The following ACOT11 variants were observed in gnomAD, a reference collection of about 807,000 sequenced individuals.
The protein encoded by ACOT11 is acyl-CoA thioesterase 11.
In ACOT11, 69 loss-of-function variants were observed where a neutral mutation model predicts 77.5. The observed-to-expected ratio is 0.89, with a 90% confidence interval of 0.73 to 1.09. The LOEUF is 1.09. ACOT11 is among the 50% of genes least tolerant of loss of function. The probability of loss-of-function intolerance (pLI) is 0.00; values close to 1 mark genes in which losing one functional copy is unlikely to be tolerated. For synonymous variants in ACOT11, 279 were observed against 313.0 expected (o/e 0.89, Z 1.15); for missense variants, 766 against 813.7 (o/e 0.94, Z 0.71).
intron 1 of ACOT11, among the ~76,000 whole-genome samples, chr1:54,560,595 C>G (rs908247111): frequency 3.3e-5 from 5 of 152,198 alleles, no homozygotes; most frequent in Non-Finnish European, 5.9e-5. Context: ...GTGGTGCGAT[C>G]ATAGCTCACT....
chr1:54,603,023 T>G (rs1290182289), intron 10 of ACOT11, among the ~76,000 whole-genome samples: 1 of 152,192 alleles, frequency 6.6e-6, no homozygotes, highest in Non-Finnish European at 1.5e-5. Flanking sequence ...TGCCATTGAT[T>G]CTGATGCCCA....
At chr1:54,618,014 A>T (rs142710139) in intron 15 of ACOT11, among the ~76,000 whole-genome samples, 431 of 152,214 alleles carry the variant, frequency 2.8e-3, no homozygotes, top group Non-Finnish European at 4.0e-3. Context: ...GGCATGAGCC[A>T]CCAGGCCTGG....
At chr1:54,621,750 AG>A (rs1178707725) in intron 15 of ACOT11, 1 of 152,596 alleles carries the variant, frequency 6.6e-6, no homozygotes, top group Non-Finnish European at 1.5e-5. Context: ...CTCAGGACTG[AG>A]GAACACAGGC....
At chr1:54,600,707 T>G (rs1215764946) in intron 8 of ACOT11, among the ~76,000 whole-genome samples, 1 of 151,932 alleles carries the variant, frequency 6.6e-6, no homozygotes, top group African/African-American at 2.4e-5. Flanking sequence ...AATAAAGAAA[T>G]AAAGACAGTA....
chr1:54,572,812 G>T (rs114657818), intron 1 of ACOT11, among the ~76,000 whole-genome samples: 2,712 of 152,274 alleles, frequency 0.018, 76 homozygotes, highest in East Asian at 0.12. Context: ...TCTGCTTCTG[G>T]GAGCAAACAA....
At chr1:54,625,932 T>G (rs1247726417) in intron 15 of ACOT11, among the ~76,000 whole-genome samples, 1 of 119,074 alleles carries the variant, frequency 8.4e-6, no homozygotes, top group East Asian at 2.5e-4. Context: ...AGAGTGAAAC[T>G]CTGTCTCAAA....
chr1:54,601,820 C>T (rs937644461), intron 9 of ACOT11, among the ~76,000 whole-genome samples: 6 of 152,214 alleles, frequency 3.9e-5, no homozygotes, highest in African/African-American at 1.2e-4. Flanking sequence ...GACTGTGGGG[C>T]GATAGATGCA....
intron 15 of ACOT11, among the ~76,000 whole-genome samples, chr1:54,630,542 C>A (rs1644293777): frequency 6.6e-6 from 1 of 152,250 alleles, no homozygotes; most frequent in Non-Finnish European, 1.5e-5. Context: ...TAATTCGGCA[C>A]ATCCCTTCGT....
chr1:54,623,170 TC>T (rs1407084383), intron 15 of ACOT11: 1 of 734,038 alleles, frequency 1.4e-6, no homozygotes, highest in South Asian at 1.7e-5. Context: ...AGAGCAAAAC[TC>T]CGTCTAAAAA....
At chr1:54,602,272 A>G (rs1272280139) in intron 9 of ACOT11, among the ~76,000 whole-genome samples, 1 of 152,222 alleles carries the variant, frequency 6.6e-6, no homozygotes, top group Non-Finnish European at 1.5e-5. Flanking sequence ...TAGAATGGAT[A>G]CAGCACCAGC....
chr1:54,592,821 G>A (rs1199090540), intron 4 of ACOT11, among the ~76,000 whole-genome samples: 2 of 152,228 alleles, frequency 1.3e-5, no homozygotes, highest in Admixed American at 1.3e-4. Context: ...CCCAGGAGGG[G>A]AAGGGACTTG....
At chr1:54,631,781 C>G (rs1330066153) in intron 16 of ACOT11, among the ~76,000 whole-genome samples, 1 of 152,190 alleles carries the variant, frequency 6.6e-6, no homozygotes, top group Non-Finnish European at 1.5e-5. Context: ...TTACAGGAGT[C>G]TCTTAAAAAG....
Position 54,622,705 on chromosome 1 carries a change from C to T in ACOT11, c.1630-8029C>T, listed in dbSNP as rs545425950. Among the ~76,000 whole-genome samples, 13 of 152,192 alleles carry T rather than the reference C, an allele frequency of 8.5e-5. No individual in the cohort carries two copies. In the South Asian group the frequency reaches 2.7e-3, roughly 32 times the overall value. On this transcript the variant is annotated intron_variant, in intron 15 of 16. Transcript: ENST00000371316. ...AGTGAGTTGAGATTGCACCATTGCACTCCAGCCTGGGGGACAAGAGTGAAA... is the reference window on the plus strand; with the variant it reads ...AGTGAGTTGAGATTGCACCATTGCATTCCAGCCTGGGGGACAAGAGTGAAA...
At chr1:54,550,097 T>G (rs915107588) in intron 1 of ACOT11, among the ~76,000 whole-genome samples, 1 of 152,178 alleles carries the variant, frequency 6.6e-6, no homozygotes, top group Non-Finnish European at 1.5e-5. Flanking sequence ...GTAAGTGACT[T>G]GCCCAAGATC....
At chr1:54,612,538 T>C, downstream of ACOT11, 1 of 1,614,070 alleles carries the variant, frequency 6.2e-7, no homozygotes, top group Non-Finnish European at 8.5e-7. Flanking sequence ...GCCCGCACCA[T>C]GGAAGACCGT....
chr1:54,587,939 G>A (rs926907700), intron 3 of ACOT11, among the ~76,000 whole-genome samples: 2 of 151,996 alleles, frequency 1.3e-5, no homozygotes, highest in Non-Finnish European at 1.5e-5. Context: ...ACAAGGCCGG[G>A]CGCAGTGGCT....
chr1:54,616,586 G>T (rs534625516), intron 15 of ACOT11, among the ~76,000 whole-genome samples: 72 of 152,106 alleles, frequency 4.7e-4, no homozygotes, highest in Middle Eastern at 6.8e-3. Flanking sequence ...TGGCCAGGCT[G>T]CTCTCAGAAC....
exon 17 of ACOT11, chr1:54,637,237 C>A (rs1180737478): frequency 6.6e-6 from 1 of 152,182 alleles, no homozygotes; most frequent in Admixed American, 6.6e-5. Flanking sequence ...AGTGACCGAG[C>A]TGGTCTCGGC....
intron 1 of ACOT11, chr1:54,573,227 A>C: frequency 1.0e-6 from 1 of 985,466 alleles, no homozygotes; most frequent in Non-Finnish European, 1.2e-6. Flanking sequence ...AGAGAGAAGC[A>C]GTTGTACAAA....
Sources: gnomAD v4.1 joint callset for allele counts (sites outside exome capture counted in the v4.1 genomes callset) on GRCh38, gnomAD v4.1.1 for gene constraint, MANE v1.5 for transcripts, NCBI Gene and HGNC (gene_info 2026-07-23, HGNC 2026-07-21) for gene names.